ABLIM3: variants seen among roughly 807,000 people sequenced by gnomAD.
ABLIM3 encodes the protein actin-binding LIM protein 3.
Under a neutral mutation model 109.5 loss-of-function variants are expected in ABLIM3, and 61 were observed. That is an observed-to-expected ratio of 0.56 (90% CI 0.45 to 0.69). The LOEUF is 0.69. Ranked by LOEUF, ABLIM3 falls within the 30% of genes least tolerant of loss-of-function variation. The pLI is 0.00. For missense variants in ABLIM3, 796 were observed against 889.5 expected, an observed-to-expected ratio of 0.89 and a Z score of 1.34; for synonymous variants, 300 against 324.8, an observed-to-expected ratio of 0.92 and a Z score of 0.82.
chr5:149,192,539 T>C (rs1014149221), intron 3 of ABLIM3, among the ~76,000 whole-genome samples: 2 of 147,824 alleles, frequency 1.4e-5, no homozygotes, highest in African/African-American at 2.5e-5. Flanking sequence ...GGCAGGAGAA[T>C]GGCATGAACC....
In ABLIM3 at chr5:149,183,560, A is replaced by C; in HGVS notation, c.122A>C (p.His41Pro). Reference protein sequence around the residue: ...KGEVVRVHNNHFHIRCFTCQV... With the variant: ...KGEVVRVHNNPFHIRCFTCQV... ...GAAGTGGTCCGCGTGCACAACAACC[A>C]CTTCCACATCAGATGCTTCACCTGT... Residue 41 changes from histidine to proline, a missense_variant, in exon 3 of 24, where the codon CAC (histidine) becomes CCC (proline). Transcript: ENST00000309868. 6.3e-7 allele frequency: 1 copy of C among 1,580,136 alleles called. No individual in the cohort carries two copies. The highest frequency in any genetic ancestry group is 2.4e-5 in the East Asian group (1 of 42,418).
intron 13 of ABLIM3, 108 bp from the exon 14 acceptor site, chr5:149,240,568 C>T: frequency 1.2e-6 from 1 of 851,158 alleles, no homozygotes; most frequent in South Asian, 1.4e-5. Flanking sequence ...CCAGCCCATC[C>T]CCCATCTCTG....
rs369022757 is a variant in ABLIM3 at position 149,210,789 on chromosome 5, T to C, written c.639T>C (p.Cys213=). The change falls in exon 7 of 24, where the codon TGT becomes TGC. Residue 213 remains cysteine (C), a synonymous_variant. Transcript: ENST00000309868. The part of the protein sequence containing the change: ...HAQFGIKCET[C]DRYISGRVLE... ...AGTTTGGCATTAAATGTGAGACTTG[T>C]GACCGATACATCAGTGGCAGAGTCT... The C allele has an allele frequency of 3.1e-5, 50 of 1,614,034 alleles. No homozygotes were observed. Among genetic ancestry groups the C allele is most frequent in the Non-Finnish European group, 4.0e-5 (47 of 1,179,990 alleles).
chr5:149,199,432 T>C (rs1358152731), intron 4 of ABLIM3, among the ~76,000 whole-genome samples: 1 of 152,204 alleles, frequency 6.6e-6, no homozygotes, highest in Non-Finnish European at 1.5e-5. Context: ...TACCCAGCTC[T>C]TAAAACCTGA....
chr5:149,163,765 G>A (rs1277834342), intron 2 of ABLIM3, among the ~76,000 whole-genome samples: 1 of 152,154 alleles, frequency 6.6e-6, no homozygotes, highest in Admixed American at 6.5e-5. Flanking sequence ...TGGGGGGTGA[G>A]AGAGACAGGG....
intron 2 of ABLIM3, among the ~76,000 whole-genome samples, chr5:149,173,407 C>T (rs1211824034): frequency 6.6e-6 from 1 of 152,342 alleles, no homozygotes; most frequent in East Asian, 1.9e-4. Context: ...TTGGCCTGAC[C>T]TCAGGCAAGT....
At chr5:149,236,075 C>T (rs1762320454) in intron 10 of ABLIM3, among the ~76,000 whole-genome samples, 1 of 152,216 alleles carries the variant, frequency 6.6e-6, no homozygotes, top group South Asian at 2.1e-4. Flanking sequence ...ACCCTCTAGT[C>T]TCTGCTGGTG....
chr5:149,157,317 A>G (rs1753940145), intron 2 of ABLIM3, among the ~76,000 whole-genome samples: 1 of 152,128 alleles, frequency 6.6e-6, no homozygotes, highest in Non-Finnish European at 1.5e-5. Context: ...CCATGCCAAC[A>G]CTTCAGTATG....
At chr5:149,147,476 G>A (rs766921365) in intron 2 of ABLIM3, among the ~76,000 whole-genome samples, 3 of 152,162 alleles carry the variant, frequency 2.0e-5, no homozygotes, top group Non-Finnish European at 2.9e-5. Flanking sequence ...GTATTCTGTT[G>A]AGGATTTTTG....
chr5:149,239,854 C>T lies in ABLIM3; in HGVS notation c.1170C>T (p.Thr390=), dbSNP rs756122795. The change falls in exon 13 of 24, where the codon ACC becomes ACT. Residue 390 remains threonine, a synonymous_variant. Transcript: ENST00000309868. The part of the protein sequence containing the change: ...PTYSRQGMSP[T]FSRSPHHYYR... Reference sequence around the variant, plus strand: ...ACAGCCGGCAGGGCATGTCCCCCACCTTCTCCCGCTCACCTCACCACTACT... The same window carrying T: ...ACAGCCGGCAGGGCATGTCCCCCACTTTCTCCCGCTCACCTCACCACTACT... 1.9e-6 allele frequency: 3 copies of T among 1,610,584 alleles called. No homozygotes were observed. Among genetic ancestry groups the T allele is most frequent in the Non-Finnish European group, 1.7e-6 (2 of 1,178,208 alleles).
At chr5:149,244,760 G>C in intron 15 of ABLIM3, 121 bp from the exon 16 acceptor site, 2 of 1,263,672 alleles carry the variant, frequency 1.6e-6, no homozygotes, top group Admixed American at 1.8e-5. Context: ...CTAACAGAGA[G>C]CCCTGATCTT....
At chr5:149,234,171 C>T (rs955490038) in intron 10 of ABLIM3, among the ~76,000 whole-genome samples, 1 of 152,142 alleles carries the variant, frequency 6.6e-6, no homozygotes, top group African/African-American at 2.4e-5. Flanking sequence ...AGGGACCTGA[C>T]AATCTAGGAC....
intron 2 of ABLIM3, among the ~76,000 whole-genome samples, chr5:149,178,823 C>A (rs1169808473): frequency 6.6e-6 from 1 of 152,154 alleles, no homozygotes; most frequent in South Asian, 2.1e-4. Context: ...AGAGGACACA[C>A]AAGGCAGAAT....
intron 2 of ABLIM3, among the ~76,000 whole-genome samples, chr5:149,161,163 T>C (rs1754330299): frequency 6.6e-6 from 1 of 152,182 alleles, no homozygotes; most frequent in African/African-American, 2.4e-5. Context: ...CCACAGCTCA[T>C]CTGCCCGCGG....
intron 2 of ABLIM3, among the ~76,000 whole-genome samples, chr5:149,153,885 C>T (rs1351385425): frequency 1.3e-5 from 2 of 152,238 alleles, no homozygotes; most frequent in African/African-American, 4.8e-5. Context: ...TTCCCAGGGG[C>T]TGTGGTGGCT....
At chr5:149,210,684 T>G in intron 6 of ABLIM3, 42 bp from the exon 7 acceptor site, 1 of 1,573,054 alleles carries the variant, frequency 6.4e-7, no homozygotes, top group Non-Finnish European at 8.8e-7. Flanking sequence ...CCCTCACTGA[T>G]CCTCCCTAAC....
At chr5:149,213,739 C>G (rs934676110) in intron 7 of ABLIM3, among the ~76,000 whole-genome samples, 2 of 152,108 alleles carry the variant, frequency 1.3e-5, no homozygotes, top group Non-Finnish European at 2.9e-5. Context: ...GACTGTTCCT[C>G]CCAGGCAGCT....
intron 23 of ABLIM3, among the ~76,000 whole-genome samples, chr5:149,257,985 G>A (rs1381708086): frequency 4.6e-5 from 7 of 152,180 alleles, no homozygotes; most frequent in East Asian, 1.9e-4. Flanking sequence ...TGCAGAAAGC[G>A]GAGGGGTCAA....
chr5:149,202,911 T>G (rs1250909207), intron 5 of ABLIM3, among the ~76,000 whole-genome samples: 3 of 151,774 alleles, frequency 2.0e-5, no homozygotes, highest in African/African-American at 7.3e-5. Context: ...TGTTACTATT[T>G]CCAGGCACTG....
Sources: allele counts gnomAD v4.1 joint callset (sites outside exome capture counted in the v4.1 genomes callset), GRCh38; gene constraint gnomAD v4.1.1; transcripts MANE v1.5; gene names NCBI Gene and HGNC (gene_info 2026-07-23, HGNC 2026-07-21).